Variants in RIN3 observed in about 807,000 individuals in gnomAD.
RIN3 encodes RAB5 interacting protein 3.
A neutral mutation model predicts 76.3 loss-of-function variants in RIN3; 54 were observed. The observed-to-expected ratio is 0.71, with a 90% confidence interval of 0.57 to 0.89. RIN3 has a LOEUF of 0.89. Ranked by LOEUF, RIN3 falls within the 40% of genes least tolerant of loss-of-function variation. RIN3 has a pLI of 0.00. For synonymous variants in RIN3, 576 were observed against 564.0 expected (o/e 1.02, Z -0.30); for missense variants, 1,256 against 1,322.1 (o/e 0.95, Z 0.78).
At chr14:92,675,149 CTG>C (rs1888418068) in intron 7 of RIN3, among the ~76,000 whole-genome samples, 2 of 152,166 alleles carry the variant, frequency 1.3e-5, no homozygotes, top group Non-Finnish European at 2.9e-5. Context: ...GAGAATGTAA[CTG>C]TTTTCCTTTT....
chr14:92,573,933 C>T (rs938408322), intron 2 of RIN3, among the ~76,000 whole-genome samples: 1 of 152,272 alleles, frequency 6.6e-6, no homozygotes, highest in East Asian at 1.9e-4. Flanking sequence ...TGGCAGGAGC[C>T]GAGGCTTGTC....
chr14:92,638,756 G>A (rs1886869040), intron 4 of RIN3, among the ~76,000 whole-genome samples: 1 of 152,136 alleles, frequency 6.6e-6, no homozygotes. Flanking sequence ...AAGACCTCAG[G>A]ATGCAGCAGA....
At chr14:92,560,739 C>A (rs553992156) in intron 2 of RIN3, among the ~76,000 whole-genome samples, 3 of 151,910 alleles carry the variant, frequency 2.0e-5, no homozygotes, top group Non-Finnish European at 4.4e-5. Context: ...AGACACCGGG[C>A]CGGATGCGGT....
At chr14:92,579,248 T>C (rs773188727) in intron 3 of RIN3, among the ~76,000 whole-genome samples, 4 of 152,236 alleles carry the variant, frequency 2.6e-5, no homozygotes, top group Admixed American at 6.5e-5. Context: ...ATTTCTAATC[T>C]TGTGGCTAAT....
chr14:92,553,061 C>G (rs1897479057), intron 1 of RIN3, among the ~76,000 whole-genome samples: 1 of 149,630 alleles, frequency 6.7e-6, no homozygotes, highest in African/African-American at 2.5e-5. Context: ...GGGATGAGCC[C>G]AGGTCACACC....
At chr14:92,517,840 A>G (rs893371125) in intron 1 of RIN3, among the ~76,000 whole-genome samples, 2 of 152,170 alleles carry the variant, frequency 1.3e-5, no homozygotes, top group African/African-American at 4.8e-5. Context: ...GTTGTTGCCA[A>G]TCAAGCTAGA....
chr14:92,608,904 T>C (rs977918720), intron 3 of RIN3, among the ~76,000 whole-genome samples: 1 of 152,162 alleles, frequency 6.6e-6, no homozygotes, highest in Non-Finnish European at 1.5e-5. Context: ...AATTTATTTA[T>C]TTTAATTTGG....
At chr14:92,651,450 AACCTCG>A (rs1383376320) in intron 5 of RIN3, 126 bp from the exon 6 acceptor site, 5 of 456,396 alleles carry the variant, frequency 1.1e-5, no homozygotes, top group African/African-American at 5.9e-5. Context: ...AAACAACCTC[AACCTCG>A]GAGTAGTGAA....
At chr14:92,625,969 A>C (rs1165630697) in intron 4 of RIN3, among the ~76,000 whole-genome samples, 1 of 151,926 alleles carries the variant, frequency 6.6e-6, no homozygotes, top group Non-Finnish European at 1.5e-5. Context: ...TTTGTGACAA[A>C]ATGTAGCTTT....
chr14:92,588,223 T>A (rs1280922499), intron 3 of RIN3, among the ~76,000 whole-genome samples: 7 of 132,460 alleles, frequency 5.3e-5, no homozygotes, highest in Non-Finnish European at 9.7e-5. Context: ...TCTTTTTTTT[T>A]TTTTTTTTTT....
intron 4 of RIN3, among the ~76,000 whole-genome samples, chr14:92,633,791 A>T (rs753036196): frequency 3.4e-4 from 52 of 152,250 alleles, no homozygotes; most frequent in Non-Finnish European, 6.3e-4. Context: ...AGTAAACTGG[A>T]CTAGAAACTA....
At chr14:92,616,547 T>G (rs147426972) in intron 4 of RIN3, among the ~76,000 whole-genome samples, 141 of 152,308 alleles carry the variant, frequency 9.3e-4, no homozygotes, top group African/African-American at 3.2e-3. Flanking sequence ...AGAGAGGTGA[T>G]CCCCATAAAT....
At chr14:92,684,877 A>G in intron 8 of RIN3, 110 bp from the exon 9 acceptor site, 2 of 1,176,976 alleles carry the variant, frequency 1.7e-6, no homozygotes, top group Non-Finnish European at 2.5e-6. Flanking sequence ...ATGTGCCTCA[A>G]GCAGAGGTGG....
chr14:92,652,100 C>A lies in RIN3; in HGVS notation c.1051C>A (p.Leu351Met), dbSNP rs745507336. The A allele has an allele frequency of 6.2e-7, 1 of 1,606,556 alleles. No individual in the cohort carries two copies. The highest frequency in any genetic ancestry group is 8.5e-7 in the Non-Finnish European group (1 of 1,179,892). The change falls in exon 6 of 10, where the codon CTG becomes ATG. Residue 351 changes from leucine to methionine, a missense_variant. Transcript: ENST00000216487. This position sits in a 1 kb window ranked among gnomAD's most constrained non-coding sequence, Gnocchi z 6.4. The part of the protein sequence containing the change: ...CERLPCPTAG[L>M]GPLREEAMKP... ...GAGACTCCCATGCCCCACTGCAGGC[C>A]TGGGCCCCCTCAGGGAGGAAGCGAT...
chr14:92,572,251 C>G (rs1898079332), intron 2 of RIN3, among the ~76,000 whole-genome samples: 1 of 152,178 alleles, frequency 6.6e-6, no homozygotes. Flanking sequence ...TGGGAGGGGC[C>G]GCATGCGCAG....
intron 3 of RIN3, among the ~76,000 whole-genome samples, chr14:92,612,084 C>T (rs1885760870): frequency 6.6e-6 from 1 of 152,206 alleles, no homozygotes; most frequent in Non-Finnish European, 1.5e-5. Context: ...GACCCACCCC[C>T]ATGATCCCAT....
intron 4 of RIN3, among the ~76,000 whole-genome samples, chr14:92,632,120 AG>A (rs1465697051): frequency 6.6e-6 from 1 of 152,164 alleles, no homozygotes; most frequent in Non-Finnish European, 1.5e-5. Flanking sequence ...TCCTGTCGGC[AG>A]CTCTGGAGCA....
intron 4 of RIN3, among the ~76,000 whole-genome samples, chr14:92,626,226 T>C (rs573634389): frequency 6.6e-6 from 1 of 152,300 alleles, no homozygotes; most frequent in South Asian, 2.1e-4. Context: ...GGCTGGGAAT[T>C]TCTGGTCTGC....
At chr14:92,679,210 G>A (rs1252731096) in intron 8 of RIN3, among the ~76,000 whole-genome samples, 1 of 152,350 alleles carries the variant, frequency 6.6e-6, no homozygotes, top group East Asian at 1.9e-4. Flanking sequence ...CCTTTTGTCA[G>A]ACTTGAGTAG....
Sources: allele counts gnomAD v4.1 joint callset (sites outside exome capture counted in the v4.1 genomes callset), GRCh38; gene constraint gnomAD v4.1.1; non-coding constraint Gnocchi (gnomAD v3.1); transcripts MANE v1.5; gene names NCBI Gene and HGNC (gene_info 2026-07-23, HGNC 2026-07-21).